The following EPB41L4B variants were observed in gnomAD, a reference collection of about 807,000 sequenced individuals.
EPB41L4B encodes erythrocyte membrane protein band 4.1 like 4B, also known as band 4.1-like protein 4B.
A neutral mutation model predicts 112.5 loss-of-function variants in EPB41L4B; 30 were observed. That is an observed-to-expected ratio of 0.27 (90% confidence interval 0.20 to 0.36). The LOEUF (loss-of-function observed/expected upper bound fraction) is 0.36, where lower values mean the gene tolerates loss of function less well. Ranked by LOEUF, EPB41L4B falls within the 10% of genes least tolerant of loss-of-function variation. EPB41L4B has a pLI of 1.00. For missense variants in EPB41L4B, 1,024 were observed against 1,133.3 expected (o/e 0.90, Z 1.38); for synonymous variants, 408 against 439.7 (o/e 0.93, Z 0.90).
chr9:109,208,127 A>G lies in EPB41L4B; in HGVS notation c.1753-78T>C, dbSNP rs1833045636. ...TGCATTAACTTTTCCCAATAATCAT[A>G]ACTGCATATAACACAGACCTACATA... On this transcript the variant is annotated intron_variant, in intron 17 of 25. Transcript: ENST00000374566. 12 of 1,544,606 alleles carry G rather than the reference A, an allele frequency of 7.8e-6. No individual in the cohort carries two copies. The South Asian group carries it at 1.4e-4, about 18-fold the overall frequency.
chr9:109,288,842 A>C (rs1273506281), intron 1 of EPB41L4B, among the ~76,000 whole-genome samples: 1 of 149,984 alleles, frequency 6.7e-6, no homozygotes, highest in African/African-American at 2.5e-5. Flanking sequence ...TTGAGGCTGC[A>C]GTCAGCTGTT....
At chr9:109,232,014 T>C (rs929529219) in intron 15 of EPB41L4B, among the ~76,000 whole-genome samples, 2 of 151,894 alleles carry the variant, frequency 1.3e-5, no homozygotes, top group African/African-American at 4.8e-5. Context: ...TTTTTTTTGA[T>C]GGAATATCGC....
At chr9:109,273,159 C>G (rs1835689435) in intron 2 of EPB41L4B, among the ~76,000 whole-genome samples, 1 of 152,162 alleles carries the variant, frequency 6.6e-6, no homozygotes, top group African/African-American at 2.4e-5. Flanking sequence ...GCTTCCGATT[C>G]AGCACCAGTA....
At chr9:109,234,287 C>T (rs557816254) in intron 15 of EPB41L4B, among the ~76,000 whole-genome samples, 1 of 152,218 alleles carries the variant, frequency 6.6e-6, no homozygotes, top group Admixed American at 6.5e-5. Context: ...GATGCTACTT[C>T]GAGGGAATTT....
At chr9:109,248,644 C>T (rs1834650163) in intron 13 of EPB41L4B, among the ~76,000 whole-genome samples, 1 of 152,152 alleles carries the variant, frequency 6.6e-6, no homozygotes, top group Admixed American at 6.5e-5. Context: ...TGAGATCTCA[C>T]ATGTTGCCCG....
At chr9:109,273,571 T>C (rs1588196620) in intron 2 of EPB41L4B, among the ~76,000 whole-genome samples, 1 of 152,204 alleles carries the variant, frequency 6.6e-6, no homozygotes, top group African/African-American at 2.4e-5. Flanking sequence ...GAGTGCAGTT[T>C]ACATTTCTTT....
At chr9:109,290,756 TCACACACACACA>T (rs138900441) in intron 1 of EPB41L4B, among the ~76,000 whole-genome samples, 2 of 141,374 alleles carry the variant, frequency 1.4e-5, no homozygotes, top group East Asian at 4.1e-4. Context: ...TATATATACC[TCACACACACACA>T]CACACACACA....
chr9:109,208,072 C>T (rs773195301), intron 17 of EPB41L4B, 23 bp from the exon 18 acceptor site: 3 of 1,613,346 alleles, frequency 1.9e-6, no homozygotes, highest in East Asian at 4.5e-5. Flanking sequence ...AAAATACAAA[C>T]AGCAGATTGT....
rs111395336 is a variant in EPB41L4B, at chr9:109,262,478, T to C, written c.631+572A>G. On this transcript the variant is annotated intron_variant, in intron 6 of 25. Transcript: ENST00000374566. ...GTGTGTGTGTGTGTGTGTGTGTGTGTGCAAACCCCTGCCCTAGTTAGTTTC... is the reference window on the plus strand; with the variant it reads ...GTGTGTGTGTGTGTGTGTGTGTGTGCGCAAACCCCTGCCCTAGTTAGTTTC... 4.0e-5 allele frequency among the ~76,000 whole-genome samples: 6 copies of C among 151,744 alleles called. No individual in the cohort carries two copies. The East Asian group carries it at 7.8e-4, about 20-fold the overall frequency.
At chr9:109,203,452 C>T (rs1832899223) in intron 19 of EPB41L4B, among the ~76,000 whole-genome samples, 2 of 152,206 alleles carry the variant, frequency 1.3e-5, no homozygotes, top group Non-Finnish European at 2.9e-5. Flanking sequence ...GTTAATGCAG[C>T]AGGCAGAGAT....
At chr9:109,290,756 T>TATATA (rs1836495720) in intron 1 of EPB41L4B, among the ~76,000 whole-genome samples, 1 of 141,372 alleles carries the variant, frequency 7.1e-6, no homozygotes, top group African/African-American at 2.6e-5. Flanking sequence ...TATATATACC[T>TATATA]CACACACACA....
At chr9:109,236,673 T>G (rs1588159054) in intron 15 of EPB41L4B, among the ~76,000 whole-genome samples, 1 of 152,362 alleles carries the variant, frequency 6.6e-6, no homozygotes, top group East Asian at 1.9e-4. Flanking sequence ...GAAGTGGGCC[T>G]ATTTGCAGAA....
intron 22 of EPB41L4B, among the ~76,000 whole-genome samples, chr9:109,185,832 C>A (rs1426756005): frequency 7.8e-6 from 1 of 127,952 alleles, no homozygotes; most frequent in African/African-American, 2.9e-5. Context: ...TTTCTCCTTT[C>A]TGTCTTTCAT....
chr9:109,241,026 T>C (rs1834336654), intron 15 of EPB41L4B: 1 of 985,136 alleles, frequency 1.0e-6, no homozygotes, highest in African/African-American at 1.7e-5. Flanking sequence ...TAATAAGTTA[T>C]ATACTTTATT....
At chr9:109,183,875 C>T (rs554616819) in intron 23 of EPB41L4B, among the ~76,000 whole-genome samples, 4 of 152,230 alleles carry the variant, frequency 2.6e-5, no homozygotes, top group Non-Finnish European at 5.9e-5. Flanking sequence ...AGTAAGAACA[C>T]ATTAGCTCAG....
intron 6 of EPB41L4B, among the ~76,000 whole-genome samples, chr9:109,260,411 T>C (rs1194011775): frequency 1.8e-5 from 1 of 55,274 alleles, no homozygotes; most frequent in Non-Finnish European, 3.7e-5. Context: ...CAATTGTATC[T>C]TTTTTTTTTT....
At chr9:109,260,252 TA>T (rs1835148237) in intron 6 of EPB41L4B, among the ~76,000 whole-genome samples, 2 of 151,946 alleles carry the variant, frequency 1.3e-5, no homozygotes, top group Admixed American at 6.6e-5. Context: ...GTATTTTTTG[TA>T]GAGACAGGGT....
rs184390712 is a variant in EPB41L4B, at chr9:109,287,225, C to G, written c.307-7304G>C. ...TTCTCATTTTGCTTATTCACTGGTT[C>G]CTAGCTGTGCTCCTGATAAGGGAGA... On this transcript the variant is annotated intron_variant, in intron 1 of 25. Coordinates refer to ENST00000374566, the MANE Select transcript of EPB41L4B (RefSeq NM_019114.5). Among the ~76,000 whole-genome samples the G allele has an allele frequency of 4.7e-3, 712 of 152,260 alleles. 4 individuals carry two copies. Among genetic ancestry groups the G allele is most frequent in the Non-Finnish European group, 5.9e-3 (401 of 68,024 alleles).
intron 6 of EPB41L4B, among the ~76,000 whole-genome samples, 187 bp downstream of exon 6, chr9:109,262,863 C>A (rs187608297): frequency 6.6e-6 from 1 of 152,198 alleles, no homozygotes; most frequent in Admixed American, 6.5e-5. Flanking sequence ...CCTGAAGGAA[C>A]TGCACTGCAG....
Sources: allele counts gnomAD v4.1 joint callset (sites outside exome capture counted in the v4.1 genomes callset), GRCh38; gene constraint gnomAD v4.1.1; transcripts MANE v1.5; gene names NCBI Gene and HGNC (gene_info 2026-07-23, HGNC 2026-07-21).